Variants in ENTREP2 observed in about 807,000 individuals in gnomAD.
The protein encoded by ENTREP2 is endosomal transmembrane epsin interactor 2.
the ENTREP2 span, among the ~76,000 whole-genome samples, chr15:29,576,402 C>T: frequency 6.6e-6 from 1 of 152,144 alleles, no homozygotes; most frequent in South Asian, 2.1e-4. Flanking sequence ...AAACCGTGAC[C>T]TTGGCTCTGG....
the ENTREP2 span, among the ~76,000 whole-genome samples, chr15:29,633,094 T>C: frequency 2.0e-4 from 31 of 152,336 alleles, no homozygotes; most frequent in African/African-American, 6.5e-4. Flanking sequence ...AACTTTTAGT[T>C]GGAGGAACAT....
At chr15:29,334,117 A>T in the ENTREP2 span, among the ~76,000 whole-genome samples, 3,292 of 152,284 alleles carry the variant, frequency 0.022, 53 homozygotes, top group African/African-American at 0.044. Context: ...TGCTTAAGCC[A>T]CCTTGTCTAT....
chr15:29,497,322 A>C, the ENTREP2 span, among the ~76,000 whole-genome samples: 2 of 152,178 alleles, frequency 1.3e-5, no homozygotes, highest in Non-Finnish European at 2.9e-5. Context: ...TTTTTTTGGA[A>C]GCGTTTGAGA....
chr15:29,614,902 T>A, the ENTREP2 span, among the ~76,000 whole-genome samples: 1 of 151,930 alleles, frequency 6.6e-6, no homozygotes, highest in Non-Finnish European at 1.5e-5. Context: ...ATTTTTTTTT[T>A]AAGTAACAAT....
At chr15:29,509,523 C>A in the ENTREP2 span, among the ~76,000 whole-genome samples, 18 of 152,208 alleles carry the variant, frequency 1.2e-4, no homozygotes, top group African/African-American at 4.3e-4. Flanking sequence ...ACTACAGTAA[C>A]CAAAACAGCA....
the ENTREP2 span, among the ~76,000 whole-genome samples, chr15:29,430,990 C>G: frequency 1.3e-5 from 2 of 152,192 alleles, no homozygotes; most frequent in African/African-American, 2.4e-5. Context: ...CTACCCAAAG[C>G]TGGTTTCTGC....
chr15:29,359,910 T>C, the ENTREP2 span, among the ~76,000 whole-genome samples: 1 of 152,194 alleles, frequency 6.6e-6, no homozygotes, highest in African/African-American at 2.4e-5. Flanking sequence ...CCACTATTTA[T>C]TGTATATCAT....
chr15:29,594,289 C>T, the ENTREP2 span, among the ~76,000 whole-genome samples: 3 of 152,092 alleles, frequency 2.0e-5, no homozygotes, highest in Non-Finnish European at 4.4e-5. Context: ...CCCTAATGGG[C>T]CCTGCCAATC....
At chr15:29,632,002 T>C in the ENTREP2 span, among the ~76,000 whole-genome samples, 47 of 152,340 alleles carry the variant, frequency 3.1e-4, no homozygotes, top group African/African-American at 1.1e-3. Flanking sequence ...GGAGGTAAAG[T>C]GGATATTATC....
At chr15:29,356,297 T>TATATATATATATATATA in the ENTREP2 span, among the ~76,000 whole-genome samples, 1 of 37,460 alleles carries the variant, frequency 2.7e-5, no homozygotes, top group African/African-American at 8.9e-5. Flanking sequence ...TATATATATA[T>TATATATATATATATATA]TTTTTTTTTT....
the ENTREP2 span, among the ~76,000 whole-genome samples, chr15:29,433,445 A>G: frequency 6.6e-6 from 1 of 152,222 alleles, no homozygotes; most frequent in Non-Finnish European, 1.5e-5. Context: ...TTTTATTCTT[A>G]AGGCTGCTCA....
chr15:29,354,875 C>A, the ENTREP2 span, among the ~76,000 whole-genome samples: 1 of 151,998 alleles, frequency 6.6e-6, no homozygotes, highest in East Asian at 1.9e-4. Flanking sequence ...TTACATTTCC[C>A]CTCATTTTGC....
the ENTREP2 span, among the ~76,000 whole-genome samples, chr15:29,336,141 C>CA: frequency 0.16 from 12,375 of 77,416 alleles, 3,023 homozygotes; most frequent in African/African-American, 0.52. Context: ...GACTCCGTCT[C>CA]AAAAAAAAAA....
chr15:29,281,130 T>C, the ENTREP2 span, among the ~76,000 whole-genome samples: 1,620 of 152,342 alleles, frequency 0.011, 30 homozygotes, highest in African/African-American at 0.037. Flanking sequence ...TTAAAAGCTG[T>C]GTATTGGGAA....
At chr15:29,311,029 A>T in the ENTREP2 span, among the ~76,000 whole-genome samples, 14 of 152,260 alleles carry the variant, frequency 9.2e-5, no homozygotes, top group African/African-American at 3.4e-4. Context: ...TTTGTAGAAG[A>T]AGGAAGAGAC....
the ENTREP2 span, among the ~76,000 whole-genome samples, chr15:29,246,895 A>G: frequency 2.0e-5 from 3 of 151,694 alleles, no homozygotes; most frequent in Non-Finnish European, 4.4e-5. Flanking sequence ...ATGGTTGACT[A>G]CAAAATCCAT....
At chr15:29,155,020 T>C in the ENTREP2 span, among the ~76,000 whole-genome samples, 24,563 of 151,358 alleles carry the variant, frequency 0.16, 3,079 homozygotes, top group African/African-American at 0.34. Context: ...TGGTGGCTCA[T>C]GCCTGTAATC....
chr15:29,616,381 G>T, the ENTREP2 span, among the ~76,000 whole-genome samples: 1 of 152,210 alleles, frequency 6.6e-6, no homozygotes, highest in African/African-American at 2.4e-5. Flanking sequence ...CCCGGTCAGG[G>T]CTGATGGCTG....
chr15:29,380,574 A>G, the ENTREP2 span, among the ~76,000 whole-genome samples: 1 of 152,192 alleles, frequency 6.6e-6, no homozygotes, highest in Admixed American at 6.5e-5. Flanking sequence ...ACAGGCATAC[A>G]AATCAATAGA....
Sources: allele counts gnomAD v4.1 joint callset (sites outside exome capture counted in the v4.1 genomes callset), GRCh38; gene constraint gnomAD v4.1.1; transcripts MANE v1.5; gene names NCBI Gene and HGNC (gene_info 2026-07-23, HGNC 2026-07-21).